SHC3: variants seen among roughly 807,000 people sequenced by gnomAD.
SHC3 encodes SHC-transforming protein 3.
SHC3 carries 15 observed loss-of-function variants against 60.4 expected under a neutral mutation model. The observed-to-expected ratio is 0.25, with a 90% CI of 0.17 to 0.38. SHC3 has a LOEUF of 0.38. SHC3 is among the 10% of genes least tolerant of loss of function. The probability of loss-of-function intolerance (pLI) is 1.00; values close to 1 mark genes in which losing one functional copy is unlikely to be tolerated. For missense variants in SHC3, 677 were observed against 786.1 expected, an observed-to-expected ratio of 0.86 and a Z score of 1.66; for synonymous variants, 294 against 325.9, an observed-to-expected ratio of 0.90 and a Z score of 1.05.
intron 5 of SHC3, among the ~76,000 whole-genome samples, chr9:89,069,000 A>C (rs1825227471): frequency 1.3e-5 from 2 of 152,252 alleles, no homozygotes; most frequent in South Asian, 2.1e-4. Context: ...ATACACATAT[A>C]GACAGCATCT....
rs536866778 is a variant in SHC3, at chr9:89,154,453, G to A, written c.474+23534C>T. 1.5e-4 allele frequency among the ~76,000 whole-genome samples: 23 copies of A among 152,290 alleles called. No homozygotes were observed. In the South Asian group the frequency reaches 1.9e-3, roughly 12 times the overall value. ...GCCCTGTGAGGAGGGGATGCCCCAC[G>A]GTGTTTTGGGCATGGAAAGAGGGTT... On this transcript the variant is annotated intron_variant, in intron 1 of 11. Coordinates refer to ENST00000375835, the MANE Select transcript of SHC3 (RefSeq NM_016848.6).
At chr9:89,045,019 G>A (rs1351305766) in intron 9 of SHC3, among the ~76,000 whole-genome samples, 2 of 152,152 alleles carry the variant, frequency 1.3e-5, no homozygotes, top group African/African-American at 4.8e-5. Context: ...AGACAAGGAA[G>A]GAAAGGCAAC....
chr9:89,042,741 G>A (rs1409170925), intron 9 of SHC3, among the ~76,000 whole-genome samples: 1 of 152,216 alleles, frequency 6.6e-6, no homozygotes, highest in Non-Finnish European at 1.5e-5. Context: ...CAGGGTGGGT[G>A]TGCAAGTGAA....
chr9:89,087,486 G>T (rs1825550487), intron 2 of SHC3, among the ~76,000 whole-genome samples: 1 of 152,192 alleles, frequency 6.6e-6, no homozygotes, highest in Non-Finnish European at 1.5e-5. Context: ...CCTGCAGGGG[G>T]ACGAGGTCCA....
rs1426850977 is a variant in SHC3 at position 89,167,206 on chromosome 9, G to A, written c.474+10781C>T. The stretch of plus-strand genomic sequence containing the variant: ...TCTCCCCTCTGGCTGTTATTTGTGA[G>A]TCTTATTTTCTCCTCTCACCTGAGT... On this transcript the variant is annotated intron_variant, in intron 1 of 11. Coordinates refer to ENST00000375835, the MANE Select transcript of SHC3 (RefSeq NM_016848.6). 7.2e-5 allele frequency among the ~76,000 whole-genome samples: 11 copies of A among 152,156 alleles called. 1 individual carries two copies. The highest frequency in any genetic ancestry group is 7.2e-4 in the Admixed American group (11 of 15,274).
At position 89,178,387 on chromosome 9, in the gene SHC3, A is replaced by G; in HGVS notation, c.74T>C (p.Leu25Pro). The change falls in exon 1 of 12, where the codon CTG becomes CCG. Residue 25 changes from leucine (L) to proline (P), a missense_variant. Leu to Pro is a moderately conservative substitution (Grantham distance 98). Transcript: ENST00000375835. The surrounding 1 kb of genome is among the most constrained non-coding windows in gnomAD (Gnocchi z 6.9). ...CTTGCCTCCGCCGCCGCTCACCGACAGGCTGTGGAGAAGGTCATCGACCGA... is the reference window on the plus strand; with the variant it reads ...CTTGCCTCCGCCGCCGCTCACCGACGGGCTGTGGAGAAGGTCATCGACCGA... ...VTSVDDLLHS[L>P]SVSGGGGKVS... 1 of 1,571,590 alleles carries G rather than the reference A, an allele frequency of 6.4e-7. No individual in the cohort carries two copies. Among genetic ancestry groups the G allele is most frequent in the South Asian group, 1.2e-5 (1 of 86,434 alleles).
chr9:89,041,461 AT>A (rs1406073496), intron 10 of SHC3, among the ~76,000 whole-genome samples: 1 of 152,218 alleles, frequency 6.6e-6, no homozygotes, highest in Non-Finnish European at 1.5e-5. Context: ...TATTTGACAA[AT>A]GGTAAGTGTT....
chr9:89,169,557 G>A (rs1196926584), intron 1 of SHC3, among the ~76,000 whole-genome samples: 1 of 152,168 alleles, frequency 6.6e-6, no homozygotes, highest in Non-Finnish European at 1.5e-5. Context: ...CACTGCGTGA[G>A]GAGGGCCTTC....
intron 1 of SHC3, among the ~76,000 whole-genome samples, chr9:89,153,103 G>A (rs549679194): frequency 6.6e-6 from 1 of 152,114 alleles, no homozygotes; most frequent in African/African-American, 2.4e-5. Context: ...ATTATTTAAG[G>A]TTTTGTGGTT....
chr9:89,152,273 G>C (rs1047873806), intron 1 of SHC3, among the ~76,000 whole-genome samples: 1 of 152,172 alleles, frequency 6.6e-6, no homozygotes, highest in African/African-American at 2.4e-5. Context: ...GAATCCTATG[G>C]GTTGTTCTTC....
chr9:89,151,643 T>A (rs1026861450), intron 1 of SHC3, among the ~76,000 whole-genome samples: 1 of 152,218 alleles, frequency 6.6e-6, no homozygotes, highest in African/African-American at 2.4e-5. Context: ...GTTATTTTTC[T>A]TTTTATTGTT....
chr9:89,160,417 A>G (rs1484499731), intron 1 of SHC3, among the ~76,000 whole-genome samples: 1 of 152,112 alleles, frequency 6.6e-6, no homozygotes, highest in African/African-American at 2.4e-5. Flanking sequence ...TTTTTAGAAC[A>G]TAGATTTTTT....
chr9:89,024,789 G>A (rs1826262550), intron 11 of SHC3, among the ~76,000 whole-genome samples: 5 of 152,334 alleles, frequency 3.3e-5, no homozygotes, highest in Non-Finnish European at 1.5e-5. Context: ...CATCAGCAGA[G>A]CCTCCTGCAG....
intron 4 of SHC3, among the ~76,000 whole-genome samples, chr9:89,072,213 T>C (rs993756268): frequency 2.0e-5 from 3 of 152,164 alleles, no homozygotes; most frequent in Non-Finnish European, 4.4e-5. Context: ...AGTCTGACCT[T>C]GTGGAAAGAC....
chr9:89,045,624 A>G (rs1824759281), intron 9 of SHC3, 122 bp downstream of exon 9: 3 of 835,110 alleles, frequency 3.6e-6, no homozygotes, highest in Non-Finnish European at 5.7e-6. Context: ...ATAGCAACAC[A>G]CACAGCACAT....
chr9:89,086,306 C>T (rs1393181286), intron 2 of SHC3, among the ~76,000 whole-genome samples: 1 of 152,164 alleles, frequency 6.6e-6, no homozygotes, highest in African/African-American at 2.4e-5. Flanking sequence ...TTTATTTTAC[C>T]TCTCCTTCTG....
chr9:89,050,839 A>G (rs999436498), intron 7 of SHC3, among the ~76,000 whole-genome samples: 2 of 151,946 alleles, frequency 1.3e-5, no homozygotes, highest in African/African-American at 4.8e-5. Flanking sequence ...GGTTGCTGTC[A>G]CTGTCTGCCT....
intron 1 of SHC3, among the ~76,000 whole-genome samples, chr9:89,152,212 G>C (rs1007741689): frequency 2.0e-5 from 3 of 152,182 alleles, no homozygotes; most frequent in Non-Finnish European, 4.4e-5. Flanking sequence ...ATTGTCACTT[G>C]TTAAAAACGG....
At chr9:89,105,183 A>T (rs1176835797) in intron 2 of SHC3, among the ~76,000 whole-genome samples, 1 of 152,104 alleles carries the variant, frequency 6.6e-6, no homozygotes, top group East Asian at 1.9e-4. Context: ...GCCCCTCTGT[A>T]CTTGTGGGGT....
Sources: allele counts gnomAD v4.1 joint callset (sites outside exome capture counted in the v4.1 genomes callset), GRCh38; gene constraint gnomAD v4.1.1; non-coding constraint Gnocchi (gnomAD v3.1); transcripts MANE v1.5; gene names NCBI Gene and HGNC (gene_info 2026-07-23, HGNC 2026-07-21).